The following USP25 variants were observed in gnomAD, a reference collection of about 807,000 sequenced individuals.
USP25 encodes ubiquitin carboxyl-terminal hydrolase 25.
USP25 carries 85 observed loss-of-function variants against 158.5 expected under a neutral mutation model. That is an observed-to-expected ratio of 0.54 (90% CI 0.45 to 0.64). USP25 has a LOEUF of 0.64. Among genes scored for constraint, USP25 ranks in the 30% least tolerant of loss-of-function variants. The pLI is 0.00. For missense variants in USP25, 1,242 were observed against 1,327.3 expected (o/e 0.94, Z 1.00); for synonymous variants, 464 against 460.4 (o/e 1.01, Z -0.10).
chr21:15,842,731 A>G (rs1568878353), intron 18 of USP25, among the ~76,000 whole-genome samples, 191 bp downstream of exon 18: 1 of 152,120 alleles, frequency 6.6e-6, no homozygotes, highest in Non-Finnish European at 1.5e-5. Flanking sequence ...GATTTTAAAG[A>G]CACTTTTCTC....
At chr21:15,865,383 G>A (rs1275874853) in intron 21 of USP25, among the ~76,000 whole-genome samples, 1 of 152,134 alleles carries the variant, frequency 6.6e-6, no homozygotes, top group Non-Finnish European at 1.5e-5. Flanking sequence ...AAGAATATGA[G>A]GGGAGGCAAA....
intron 20 of USP25, among the ~76,000 whole-genome samples, chr21:15,853,237 A>G (rs550931585): frequency 4.6e-5 from 7 of 152,308 alleles, no homozygotes; most frequent in Admixed American, 2.6e-4. Context: ...CTTAAAGTTT[A>G]GACAGTATCA....
At chr21:15,838,144 AAC>A (rs1162871139) in intron 17 of USP25, among the ~76,000 whole-genome samples, 6 of 151,558 alleles carry the variant, frequency 4.0e-5, no homozygotes, top group Non-Finnish European at 7.4e-5. Flanking sequence ...ATCAGTCTTG[AAC>A]TCAAATTCCT....
At chr21:15,782,014 C>A (rs1412150154) in intron 4 of USP25, among the ~76,000 whole-genome samples, 1 of 152,218 alleles carries the variant, frequency 6.6e-6, no homozygotes, top group Admixed American at 6.5e-5. Flanking sequence ...TGCCCTCATT[C>A]CACAAAGTTC....
At chr21:15,777,559 A>C (rs2123499607) in intron 3 of USP25, among the ~76,000 whole-genome samples, 1 of 152,270 alleles carries the variant, frequency 6.6e-6, no homozygotes, top group South Asian at 2.1e-4. Context: ...CAGAAATGTC[A>C]ATGTTTAATT....
chr21:15,762,372 T>G (rs1241694533), intron 1 of USP25, among the ~76,000 whole-genome samples: 1 of 152,116 alleles, frequency 6.6e-6, no homozygotes, highest in African/African-American at 2.4e-5. Flanking sequence ...CAATAGCATA[T>G]AAAGAACTGA....
At chr21:15,877,487 G>T in intron 24 of USP25, 1 of 193,050 alleles carries the variant, frequency 5.2e-6, no homozygotes, top group Non-Finnish European at 1.0e-5. Context: ...TATAATTTGG[G>T]GAAGTTAATC....
chr21:15,800,254 T>A (rs1010429025), intron 6 of USP25, among the ~76,000 whole-genome samples: 4 of 151,256 alleles, frequency 2.6e-5, no homozygotes, highest in Non-Finnish European at 4.4e-5. Context: ...GCAGTACAAA[T>A]CTGTATCTTT....
intron 17 of USP25, among the ~76,000 whole-genome samples, chr21:15,835,029 A>G (rs535535156): frequency 1.3e-5 from 2 of 152,334 alleles, no homozygotes; most frequent in South Asian, 2.1e-4. Flanking sequence ...CATTCTGTAC[A>G]TATTCTTTCC....
At chr21:15,866,192 T>C (rs71317630) in intron 21 of USP25, 74 bp from the exon 22 acceptor site, 22,150 of 957,012 alleles carry the variant, frequency 0.023, 322 homozygotes, top group Admixed American at 0.035. Context: ...GATTTTGCTT[T>C]TGATTTACAA....
At chr21:15,801,926 T>G (rs1216124275) in intron 6 of USP25, among the ~76,000 whole-genome samples, 1 of 151,582 alleles carries the variant, frequency 6.6e-6, no homozygotes, top group African/African-American at 2.4e-5. Context: ...AAATTGAAAC[T>G]AATTTTAGAC....
chr21:15,860,297 C>T (rs948430615), intron 20 of USP25, among the ~76,000 whole-genome samples: 18 of 152,074 alleles, frequency 1.2e-4, no homozygotes, highest in African/African-American at 3.6e-4. Context: ...GGATTACAGG[C>T]GCCCATCACC....
At chr21:15,851,210 ATTGGGTCTTCTTATGTTG>A (rs1274673226) in intron 20 of USP25, among the ~76,000 whole-genome samples, 1 of 151,962 alleles carries the variant, frequency 6.6e-6, no homozygotes, top group East Asian at 1.9e-4. Context: ...TTCTGACCAG[ATTGGGTCTTCTTATGTTG>A]AATTGCAAAT....
At chr21:15,789,328 A>G (rs1226726481) in intron 4 of USP25, among the ~76,000 whole-genome samples, 1 of 152,104 alleles carries the variant, frequency 6.6e-6, no homozygotes, top group Non-Finnish European at 1.5e-5. Flanking sequence ...TGGAATGTGA[A>G]AAATGTACTT....
chr21:15,770,849 G>C (rs994570946), intron 3 of USP25, among the ~76,000 whole-genome samples: 1 of 152,154 alleles, frequency 6.6e-6, no homozygotes, highest in East Asian at 1.9e-4. Flanking sequence ...TGAAAGAATA[G>C]GAACATCTGA....
chr21:15,771,837 G>GT (rs1568783434), intron 3 of USP25, among the ~76,000 whole-genome samples: 1 of 151,810 alleles, frequency 6.6e-6, no homozygotes, highest in Non-Finnish European at 1.5e-5. Flanking sequence ...TCACTACCCA[G>GT]TTTTTTTCTG....
chr21:15,844,180 A>G (rs1005914801), intron 18 of USP25, among the ~76,000 whole-genome samples: 4 of 152,162 alleles, frequency 2.6e-5, no homozygotes, highest in Admixed American at 1.3e-4. Flanking sequence ...CTGAGAATTC[A>G]TTAACCGTGG....
intron 4 of USP25, among the ~76,000 whole-genome samples, chr21:15,783,067 C>T (rs562214567): frequency 6.6e-6 from 1 of 151,838 alleles, no homozygotes; most frequent in Non-Finnish European, 1.5e-5. Flanking sequence ...AGGAACAAAA[C>T]AGGAATCTTG....
Position 15,825,074 on chromosome 21 carries a change from T to A in USP25, c.1304+13T>A. 3.8e-6 allele frequency: 6 copies of A among 1,561,714 alleles called. No individual in the cohort carries two copies. Among genetic ancestry groups the A allele is most frequent in the Non-Finnish European group, 5.2e-6 (6 of 1,149,258 alleles). On this transcript the variant is annotated intron_variant, in intron 12 of 25. Transcript: ENST00000400183. ...AAAGGCTAGAAAGGTATTTTAACTTTTATGAAATTAGGAGATAATTATCAG... is the reference window on the plus strand; with the variant it reads ...AAAGGCTAGAAAGGTATTTTAACTTATATGAAATTAGGAGATAATTATCAG...
Sources: allele counts gnomAD v4.1 joint callset (sites outside exome capture counted in the v4.1 genomes callset), GRCh38; gene constraint gnomAD v4.1.1; transcripts MANE v1.5; gene names NCBI Gene and HGNC (gene_info 2026-07-23, HGNC 2026-07-21).